DYNC2H1: variants seen among roughly 807,000 people sequenced by gnomAD.
DYNC2H1 encodes dynein cytoplasmic 2 heavy chain 1.
A neutral mutation model predicts 570.0 loss-of-function variants in DYNC2H1; 410 were observed. The observed-to-expected ratio is 0.72, with a 90% CI of 0.66 to 0.78. The LOEUF (loss-of-function observed/expected upper bound fraction) is 0.78, where lower values mean the gene tolerates loss of function less well. Ranked by LOEUF, DYNC2H1 falls within the 30% of genes least tolerant of loss-of-function variation. DYNC2H1 has a pLI of 0.00. For synonymous variants in DYNC2H1, 1,688 were observed against 1,677.6 expected (o/e 1.01, Z -0.15); for missense variants, 4,865 against 5,046.4 (o/e 0.96, Z 1.09).
intron 85 of DYNC2H1, among the ~76,000 whole-genome samples, chr11:103,452,441 C>A (rs1413819178): frequency 1.3e-5 from 2 of 151,062 alleles, no homozygotes; most frequent in African/African-American, 4.9e-5. Context: ...AGATTTAATT[C>A]TATGTTTAAC....
intron 12 of DYNC2H1, 71 bp downstream of exon 12, chr11:103,125,366 CTTTTTTTT>C: frequency 7.2e-6 from 4 of 552,566 alleles, no homozygotes; most frequent in South Asian, 3.3e-5. Flanking sequence ...ATGCTAAAGG[CTTTTTTTT>C]TTTTTTTTTT....
At chr11:103,365,736 A>G (rs1940876796) in intron 83 of DYNC2H1, among the ~76,000 whole-genome samples, 1 of 152,204 alleles carries the variant, frequency 6.6e-6, no homozygotes, top group Non-Finnish European at 1.5e-5. Context: ...AGGTTTGAAC[A>G]TGCAAAGAAA....
rs754750970 is a variant in DYNC2H1 at position 103,189,471 on chromosome 11, A to G, written c.7293-201A>G. 5.9e-5 allele frequency among the ~76,000 whole-genome samples: 9 copies of G among 152,114 alleles called. No individual in the cohort carries two copies. The highest frequency in any genetic ancestry group is 1.0e-4 in the Non-Finnish European group (7 of 68,010). Reference sequence around the variant, plus strand: ...CTCTAACACCTTCTGGTATTTGACAATAGATATTTCGGGATCGAATTTGGT... The same window carrying G: ...CTCTAACACCTTCTGGTATTTGACAGTAGATATTTCGGGATCGAATTTGGT... On this transcript the variant is annotated intron_variant, in intron 44 of 88. Coordinates refer to ENST00000375735, the MANE Select transcript of DYNC2H1 (RefSeq NM_001377.3). This position sits in a 1 kb window ranked among gnomAD's most constrained non-coding sequence, Gnocchi z 4.3.
chr11:103,374,491 G>T (rs1941309812), intron 83 of DYNC2H1, among the ~76,000 whole-genome samples: 1 of 152,178 alleles, frequency 6.6e-6, no homozygotes. Flanking sequence ...ACTGGGTAAT[G>T]GGCAGAGGTT....
intron 70 of DYNC2H1, among the ~76,000 whole-genome samples, chr11:103,260,919 A>G (rs1251334137): frequency 6.8e-6 from 1 of 146,406 alleles, no homozygotes; most frequent in Non-Finnish European, 1.5e-5. Flanking sequence ...ATGCCCAGCC[A>G]GAATTTTTTT....
At chr11:103,407,256 G>C (rs11225773) in intron 84 of DYNC2H1, 1 of 151,568 alleles carries the variant, frequency 6.6e-6, no homozygotes, top group Admixed American at 6.6e-5. Flanking sequence ...ACAGGAAGGA[G>C]ATAACCAGCA....
intron 82 of DYNC2H1, among the ~76,000 whole-genome samples, chr11:103,328,959 A>G (rs1938633346): frequency 6.6e-6 from 1 of 152,184 alleles, no homozygotes; most frequent in Non-Finnish European, 1.5e-5. Context: ...CGAATTGCCC[A>G]TGCAATAATG....
chr11:103,440,673 T>C (rs1341747408), intron 85 of DYNC2H1, among the ~76,000 whole-genome samples: 1 of 152,076 alleles, frequency 6.6e-6, no homozygotes, highest in Non-Finnish European at 1.5e-5. Flanking sequence ...AACAAATCAT[T>C]AAAGGAAGTA....
chr11:103,357,342 G>A (rs1940398538), intron 82 of DYNC2H1, among the ~76,000 whole-genome samples: 1 of 152,062 alleles, frequency 6.6e-6, no homozygotes. Flanking sequence ...ACCTTGCCTT[G>A]TTTGAATTGA....
chr11:103,282,935 G>C (rs1866198804), intron 72 of DYNC2H1, 73 bp from the exon 73 acceptor site: 1 of 1,055,698 alleles, frequency 9.5e-7, no homozygotes, highest in Non-Finnish European at 1.4e-6. Flanking sequence ...TAATAAAATA[G>C]CTAATCAATT....
intron 50 of DYNC2H1, among the ~76,000 whole-genome samples, chr11:103,200,882 A>G (rs759833295): frequency 8.3e-4 from 127 of 152,302 alleles, no homozygotes; most frequent in Non-Finnish European, 1.4e-3. Context: ...GCTGGAGTGC[A>G]GTGACATGAT....
At chr11:103,288,690 A>AAAAAAAAAG (rs1304487109) in intron 75 of DYNC2H1, among the ~76,000 whole-genome samples, 4 of 142,694 alleles carry the variant, frequency 2.8e-5, no homozygotes, top group Non-Finnish European at 6.2e-5. Context: ...CTACTAAAAA[A>AAAAAAAAAG]AAAAAAAAAA....
chr11:103,227,536 T>C (rs1427588562), intron 59 of DYNC2H1, among the ~76,000 whole-genome samples: 6 of 152,184 alleles, frequency 3.9e-5, no homozygotes, highest in African/African-American at 9.7e-5. Flanking sequence ...TCCACAGTGG[T>C]CTGAGAGAGT....
intron 82 of DYNC2H1, among the ~76,000 whole-genome samples, chr11:103,348,403 G>A (rs1385644182): frequency 6.6e-6 from 1 of 152,138 alleles, no homozygotes; most frequent in East Asian, 1.9e-4. Flanking sequence ...CAACAAGATA[G>A]TGAACATCCC....
intron 59 of DYNC2H1, 41 bp from the exon 60 acceptor site, chr11:103,231,219 C>T: frequency 7.7e-7 from 1 of 1,301,180 alleles, no homozygotes. Context: ...TAGTTGATAT[C>T]TAAAATAGAA....
At chr11:103,126,650 T>G (rs893426068) in intron 12 of DYNC2H1, among the ~76,000 whole-genome samples, 4 of 151,696 alleles carry the variant, frequency 2.6e-5, no homozygotes, top group African/African-American at 4.8e-5. Flanking sequence ...TTTTTTTTTT[T>G]TTTTGAGACG....
At position 103,163,419 on chromosome 11, in the gene DYNC2H1, T is replaced by C. The variant is rs554758305; in HGVS notation, c.4611+272T>C. Among the ~76,000 whole-genome samples the C allele has an allele frequency of 5.9e-5, 9 of 152,290 alleles. No individual in the cohort carries two copies. In the South Asian group the frequency reaches 1.2e-3, roughly 21 times the overall value. ...CTGGTTCCAGATGATTAGTTCATCA[T>C]TGATGGAGAATCACAGGATCTATAA... On this transcript the variant is annotated intron_variant, in intron 30 of 88. Transcript: ENST00000375735. This position sits in a 1 kb window ranked among gnomAD's most constrained non-coding sequence, Gnocchi z 4.6.
At chr11:103,286,975 T>G (rs1251484481) in intron 74 of DYNC2H1, among the ~76,000 whole-genome samples, 1 of 152,130 alleles carries the variant, frequency 6.6e-6, no homozygotes, top group Non-Finnish European at 1.5e-5. Context: ...AAAAATTGAT[T>G]TGAAAACTTA....
chr11:103,444,904 G>T (rs1170813230), intron 85 of DYNC2H1, among the ~76,000 whole-genome samples: 1 of 152,238 alleles, frequency 6.6e-6, no homozygotes, highest in East Asian at 1.9e-4. Flanking sequence ...TGTAGGCTTG[G>T]TAAGAAATTT....
Sources: gnomAD v4.1 joint callset for allele counts (sites outside exome capture counted in the v4.1 genomes callset) on GRCh38, gnomAD v4.1.1 for gene constraint, Gnocchi (gnomAD v3.1) non-coding constraint, MANE v1.5 for transcripts, NCBI Gene and HGNC (gene_info 2026-07-23, HGNC 2026-07-21) for gene names.